SYCE2: variants seen among roughly 807,000 people sequenced by gnomAD.
SYCE2 encodes the protein central element synaptonemal complex 1.
Under a neutral mutation model 27.9 loss-of-function variants are expected in SYCE2, and 3 were observed. The observed-to-expected ratio is 0.11, with a 90% confidence interval of 0.05 to 0.28. The LOEUF (loss-of-function observed/expected upper bound fraction) is 0.28, where lower values mean the gene tolerates loss of function less well. Ranked by LOEUF, SYCE2 falls within the 10% of genes least tolerant of loss-of-function variation. SYCE2 has a pLI of 1.00. For synonymous variants in SYCE2, 85 were observed against 100.7 expected, an observed-to-expected ratio of 0.84 and a Z score of 0.93; for missense variants, 207 against 263.5, an observed-to-expected ratio of 0.79 and a Z score of 1.48.
At chr19:12,918,760 T>G (rs987122366) in intron 1 of SYCE2, among the ~76,000 whole-genome samples, 1 of 151,906 alleles carries the variant, frequency 6.6e-6, no homozygotes, top group African/African-American at 2.4e-5. Context: ...GAGAACAGCC[T>G]GAGCAATATG....
intron 2 of SYCE2, among the ~76,000 whole-genome samples, chr19:12,916,905 A>G (rs1971148004): frequency 6.6e-6 from 1 of 151,308 alleles, no homozygotes; most frequent in Non-Finnish European, 1.5e-5. Flanking sequence ...ATGCACCACC[A>G]CGCCTGGCTG....
chr19:12,899,648 A>G (rs1970788567), intron 5 of SYCE2: 3 of 1,612,512 alleles, frequency 1.9e-6, no homozygotes, highest in Non-Finnish European at 2.5e-6. Flanking sequence ...TGGCGGATGG[A>G]GTGGGAAGTG....
chr19:12,900,259 G>A (rs1361235369), intron 4 of SYCE2, 139 bp from the exon 5 acceptor site: 1 of 1,179,484 alleles, frequency 8.5e-7, no homozygotes, highest in Non-Finnish European at 1.2e-6. Flanking sequence ...AGTGGGACAT[G>A]ACAACGGTTT....
intron 3 of SYCE2, among the ~76,000 whole-genome samples, chr19:12,903,090 T>C (rs1346578671): frequency 1.4e-5 from 2 of 148,040 alleles, no homozygotes; most frequent in East Asian, 3.9e-4. Context: ...GTCTTCTTTT[T>C]CTTCTTTTTT....
chr19:12,904,003 T>TC (rs1970890365), intron 3 of SYCE2, among the ~76,000 whole-genome samples: 1 of 152,156 alleles, frequency 6.6e-6, no homozygotes, highest in Non-Finnish European at 1.5e-5. Context: ...TGGAAGAAGC[T>TC]CCACTCCCCC....
At chr19:12,904,087 C>T (rs1970891920) in intron 3 of SYCE2, among the ~76,000 whole-genome samples, 1 of 152,166 alleles carries the variant, frequency 6.6e-6, no homozygotes, top group Non-Finnish European at 1.5e-5. Flanking sequence ...CCCCCTACTC[C>T]CGTGGCTGCT....
intron 2 of SYCE2, among the ~76,000 whole-genome samples, chr19:12,912,588 G>A (rs916770735): frequency 8.5e-5 from 13 of 152,140 alleles, no homozygotes; most frequent in African/African-American, 3.1e-4. Flanking sequence ...AGTTCACCTT[G>A]TTGTCTCAGC....
chr19:12,912,342 C>T (rs1971063369), intron 2 of SYCE2, among the ~76,000 whole-genome samples: 1 of 149,348 alleles, frequency 6.7e-6, no homozygotes. Flanking sequence ...CTTCCTGCCT[C>T]CTTCATAATG....
intron 5 of SYCE2, chr19:12,899,769 G>A (rs879300830): frequency 1.0e-5 from 16 of 1,607,558 alleles, no homozygotes; most frequent in Non-Finnish European, 1.3e-5. Context: ...TTTTAACCAT[G>A]GATGAGAGCA....
chr19:12,911,641 G>A (rs1971047289), intron 2 of SYCE2, among the ~76,000 whole-genome samples: 2 of 127,956 alleles, frequency 1.6e-5, no homozygotes, highest in Admixed American at 8.6e-5. Flanking sequence ...TTTTTTAGAC[G>A]AGGTCTCGCT....
intron 2 of SYCE2, among the ~76,000 whole-genome samples, chr19:12,907,619 C>T (rs1314091741): frequency 2.0e-5 from 3 of 151,566 alleles, no homozygotes; most frequent in African/African-American, 7.3e-5. Flanking sequence ...GGTGAAACCC[C>T]GTCTCTACTA....
chr19:12,904,640 T>G lies in SYCE2; in HGVS notation c.158A>C (p.Glu53Ala). Residue 53 changes from glutamate (E) to alanine (A), a missense_variant, in exon 3 of 6, where the codon GAA becomes GCA. Physicochemically the swap from Glu to Ala is moderately radical, Grantham distance 107. Coordinates refer to ENST00000293695, the MANE Select transcript of SYCE2 (RefSeq NM_001105578.2). ...ASASCQLTVL[E>A]GKSGLYFSSL... ...GGAGAAGTAGAGTCCCGACTTCCCT[T>G]CCAGGACCGTCAGCTGGCAACTGGC... 6.2e-7 allele frequency: 1 copy of G among 1,613,808 alleles called. No individual in the cohort carries two copies. The highest frequency in any genetic ancestry group is 8.5e-7 in the Non-Finnish European group (1 of 1,179,970).
chr19:12,903,983 C>CT (rs1372935224), intron 3 of SYCE2, among the ~76,000 whole-genome samples: 3 of 152,152 alleles, frequency 2.0e-5, no homozygotes, highest in African/African-American at 7.2e-5. Context: ...AGATGTAAGC[C>CT]CTGGGCATGT....
In SYCE2 at chr19:12,918,225, G is replaced by A. The variant is rs759497931; in HGVS notation, c.128C>T (p.Ala43Val). ...ATAGGGCTGGGATCTTCCTCACCTA[G>A]CTGGCCCTCCACCAGCTTCCTCCTC... ...NCEEEAGGGP[A>V]SASCQLTVLE... is the part of the protein sequence containing the mutation. The change falls in exon 2 of 6, where the codon GCT becomes GTT. Residue 43 changes from alanine to valine, a missense_variant. Ala to Val is a moderately conservative substitution (Grantham distance 64). Coordinates refer to ENST00000293695, the MANE Select transcript of SYCE2 (RefSeq NM_001105578.2). The A allele has an allele frequency of 6.2e-7, 1 of 1,613,756 alleles. No individual in the cohort carries two copies. The highest frequency in any genetic ancestry group is 1.3e-5 in the African/African-American group (1 of 74,914).
chr19:12,902,319 G>T (rs781391553), intron 3 of SYCE2, among the ~76,000 whole-genome samples: 4 of 151,972 alleles, frequency 2.6e-5, no homozygotes, highest in Non-Finnish European at 4.4e-5. Flanking sequence ...AATAGAAGAG[G>T]CATCCAACAA....
chr19:12,916,304 C>T (rs750737015), intron 2 of SYCE2, among the ~76,000 whole-genome samples: 2 of 152,032 alleles, frequency 1.3e-5, no homozygotes, highest in Non-Finnish European at 2.9e-5. Flanking sequence ...CTCCTGACCT[C>T]GTGATCCGCC....
rs1389759990 is a variant in SYCE2 at position 12,900,106 on chromosome 19, G to T, written c.510C>A (p.Leu170=). 6.2e-7 allele frequency: 1 copy of T among 1,611,916 alleles called. No homozygotes were observed. Reference sequence around the variant, plus strand: ...CCCTAGAGTGGTCTGGCCCCCATCTGAGTCTTAGGCTCTGCTGTAAAAAAG... The same window carrying T: ...CCCTAGAGTGGTCTGGCCCCCATCTTAGTCTTAGGCTCTGCTGTAAAAAAG... ...LCLQPEQSLR[L]RWGPDHSRGK... The change falls in exon 5 of 6, where the codon CTC becomes CTA. Residue 170 remains leucine (L), a synonymous_variant. Transcript: ENST00000293695.
At chr19:12,908,469 C>T (rs932638501) in intron 2 of SYCE2, among the ~76,000 whole-genome samples, 2 of 151,782 alleles carry the variant, frequency 1.3e-5, no homozygotes, top group East Asian at 1.9e-4. Flanking sequence ...GGACTACAGG[C>T]GCCCGCCACC....
intron 1 of SYCE2, 112 bp from the exon 2 acceptor site, chr19:12,918,449 G>A: frequency 1.1e-6 from 1 of 950,458 alleles, no homozygotes; most frequent in Non-Finnish European, 1.6e-6. Flanking sequence ...CGGGACGGTG[G>A]GGACCCGCAG....
Sources: allele counts gnomAD v4.1 joint callset (sites outside exome capture counted in the v4.1 genomes callset), GRCh38; gene constraint gnomAD v4.1.1; transcripts MANE v1.5; gene names NCBI Gene and HGNC (gene_info 2026-07-23, HGNC 2026-07-21).